EIF3E: variants seen among roughly 807,000 people sequenced by gnomAD.
The protein encoded by EIF3E is eIF-3 p48.
EIF3E carries 25 observed loss-of-function variants against 59.3 expected under a neutral mutation model. The ratio of observed to expected loss-of-function variants is 0.42; its 90% CI spans 0.31 to 0.59. The LOEUF (loss-of-function observed/expected upper bound fraction) is 0.59. Ranked by LOEUF, EIF3E falls within the 20% of genes least tolerant of loss-of-function variation. The pLI, the probability that EIF3E is intolerant of heterozygous loss-of-function variation, is 0.15. For missense variants in EIF3E, 317 were observed against 534.3 expected (o/e 0.59, Z 4.01); for synonymous variants, 176 against 170.2 (o/e 1.03, Z -0.26).
chr8:108,226,017 G>A (rs1035964215), intron 7 of EIF3E, among the ~76,000 whole-genome samples: 1 of 151,942 alleles, frequency 6.6e-6, no homozygotes, highest in Non-Finnish European at 1.5e-5. Flanking sequence ...TGGAAACTAC[G>A]ACTTTAAAAC....
chr8:108,220,097 G>T (rs897197233), intron 7 of EIF3E, among the ~76,000 whole-genome samples: 2 of 151,668 alleles, frequency 1.3e-5, no homozygotes, highest in African/African-American at 2.4e-5. Context: ...GAGCTGAGAT[G>T]GTGCCACTGC....
At position 108,217,574 on chromosome 8, in the gene EIF3E, G is replaced by A. The variant is rs556489093; in HGVS notation, c.723-114C>T. 6.4e-5 allele frequency: 51 copies of A among 798,628 alleles called. No homozygotes were observed. In the South Asian group the frequency reaches 1.0e-3, roughly 16 times the overall value. 49.5% of individuals were successfully genotyped at this position (798,628 alleles called of 1,614,324 possible). A position where few individuals can be genotyped will look rare whatever the true frequency, so the allele number is the denominator to read the frequency against. ...CTAGCCTAAGACTGCAAACACTTAAGAATGAGTATTATAAGAAAATCTCCT... is the reference window on the plus strand; with the variant it reads ...CTAGCCTAAGACTGCAAACACTTAAAAATGAGTATTATAAGAAAATCTCCT... On this transcript the variant is annotated intron_variant, in intron 7 of 12. Coordinates refer to ENST00000220849, the MANE Select transcript of EIF3E (RefSeq NM_001568.3).
chr8:108,222,649 G>C (rs1332437390), intron 7 of EIF3E, among the ~76,000 whole-genome samples: 1 of 152,138 alleles, frequency 6.6e-6, no homozygotes, highest in East Asian at 1.9e-4. Context: ...ATTTAAGACA[G>C]ATCAATTTTT....
intron 5 of EIF3E, 196 bp from the exon 6 acceptor site, chr8:108,229,391 A>T: frequency 2.2e-6 from 1 of 456,348 alleles, no homozygotes; most frequent in Non-Finnish European, 3.8e-6. Flanking sequence ...CAGGTCTTCA[A>T]TAATCAGTCT....
At chr8:108,248,309 G>A (rs1563640497) in intron 1 of EIF3E, among the ~76,000 whole-genome samples, 1 of 152,072 alleles carries the variant, frequency 6.6e-6, no homozygotes. Context: ...GTTCTCTAGC[G>A]AAACCAGCGA....
At chr8:108,213,692 A>C (rs958816774) in intron 10 of EIF3E, among the ~76,000 whole-genome samples, 8 of 152,216 alleles carry the variant, frequency 5.3e-5, no homozygotes, top group Admixed American at 2.6e-4. Flanking sequence ...TTACATTATT[A>C]GGAATTTTCA....
At chr8:108,215,065 CAAT>C (rs773302112) in intron 9 of EIF3E, among the ~76,000 whole-genome samples, 8 of 152,066 alleles carry the variant, frequency 5.3e-5, no homozygotes, top group Non-Finnish European at 7.4e-5. Context: ...AGTATTTCTA[CAAT>C]ATTAAGTAGA....
At chr8:108,202,896 T>C (rs946964320) in intron 12 of EIF3E, 87 bp downstream of exon 12, 69 of 1,403,030 alleles carry the variant, frequency 4.9e-5, no homozygotes, top group Non-Finnish European at 6.4e-5. Context: ...CAAAATCAGC[T>C]ACAACTCATC....
rs999680413 is a variant in EIF3E, at chr8:108,238,228, T to C, written c.323+1730A>G. Among the ~76,000 whole-genome samples, 3 of 152,308 alleles carry C rather than the reference T, an allele frequency of 2.0e-5. No individual in the cohort carries two copies. The East Asian group carries it at 5.8e-4, about 29-fold the overall frequency. ...CATAAAAGTAGTTTAGTATAATATA[T>C]AGCTCTGTCTATGCGCATGATGTGT... On this transcript the variant is annotated intron_variant, in intron 3 of 12. Coordinates refer to ENST00000220849, the MANE Select transcript of EIF3E (RefSeq NM_001568.3).
intron 5 of EIF3E, among the ~76,000 whole-genome samples, chr8:108,230,424 CAG>C (rs1261142330): frequency 2.0e-5 from 3 of 152,006 alleles, no homozygotes; most frequent in Admixed American, 6.6e-5. Flanking sequence ...AAAATCATCG[CAG>C]AGATAGGTAT....
intron 10 of EIF3E, among the ~76,000 whole-genome samples, chr8:108,206,797 T>C (rs928702359): frequency 8.5e-5 from 13 of 152,120 alleles, no homozygotes; most frequent in African/African-American, 3.1e-4. Context: ...AACAAGATCC[T>C]GTGTCTTTAT....
At chr8:108,207,508 T>C (rs1815126609) in intron 10 of EIF3E, among the ~76,000 whole-genome samples, 1 of 152,094 alleles carries the variant, frequency 6.6e-6, no homozygotes, top group Non-Finnish European at 1.5e-5. Flanking sequence ...TGAAAATAAT[T>C]CAATTTATTA....
chr8:108,215,496 T>C (rs999392338), intron 9 of EIF3E, among the ~76,000 whole-genome samples: 1 of 152,040 alleles, frequency 6.6e-6, no homozygotes, highest in African/African-American at 2.4e-5. Context: ...TGGGCGCCTA[T>C]GGTCCCAGCT....
At chr8:108,208,123 AG>A in intron 10 of EIF3E, among the ~76,000 whole-genome samples, 2 of 152,266 alleles carry the variant, frequency 1.3e-5, no homozygotes, top group Middle Eastern at 6.8e-3. Flanking sequence ...ACCCTCCCAT[AG>A]CCACCATCTT....
In EIF3E at chr8:108,216,493, G is replaced by T; in HGVS notation, c.870C>A (p.Asp290Glu). The part of the protein sequence containing the change: ...VIQQESYTYK[D>E]PITEFVECLY... Reference sequence around the variant, plus strand: ...AACATTCAACAAATTCTGTAATTGGGTCTTTATATGTGTAAGACTCCTGTA... The same window carrying T: ...AACATTCAACAAATTCTGTAATTGGTTCTTTATATGTGTAAGACTCCTGTA... Residue 290 changes from aspartate (D) to glutamate (E), a missense_variant, in exon 9 of 13, where the codon GAC (aspartate) becomes GAA (glutamate). Asp to Glu is a conservative substitution (Grantham distance 45). This residue lies in a region of EIF3E where 242 missense variants were observed against 398.0 expected (regional missense o/e 0.61). Transcript: ENST00000220849. 4.4e-6 allele frequency: 7 copies of T among 1,606,702 alleles called. No individual in the cohort carries two copies. Among genetic ancestry groups the T allele is most frequent in the Non-Finnish European group, 5.9e-6 (7 of 1,176,940 alleles).
intron 10 of EIF3E, among the ~76,000 whole-genome samples, chr8:108,210,387 G>C (rs969586326): frequency 6.6e-6 from 1 of 152,026 alleles, no homozygotes; most frequent in Non-Finnish European, 1.5e-5. Context: ...CTAAATTCTT[G>C]TTATTTTACT....
intron 1 of EIF3E, among the ~76,000 whole-genome samples, chr8:108,245,992 G>GT (rs1316056543): frequency 6.6e-6 from 1 of 152,018 alleles, no homozygotes; most frequent in Non-Finnish European, 1.5e-5. Context: ...TATATTTACT[G>GT]TTTTTTTCCT....
chr8:108,229,365 C>T, intron 5 of EIF3E, 170 bp from the exon 6 acceptor site: 1 of 581,318 alleles, frequency 1.7e-6, no homozygotes, highest in Non-Finnish European at 2.7e-6. Context: ...TTCAAAAAAC[C>T]TTTGCTAAAA....
At position 108,216,332 on chromosome 8, in the gene EIF3E, G is replaced by A. The variant is rs1342722294; in HGVS notation, c.951+80C>T. ...CGTTATAATTACTTCATTACTTTAAGGAAGACACTGCAAGATTAACGTTAC... is the reference window on the plus strand; with the variant it reads ...CGTTATAATTACTTCATTACTTTAAAGAAGACACTGCAAGATTAACGTTAC... On this transcript the variant is annotated intron_variant, in intron 9 of 12. Transcript: ENST00000220849. 11 of 1,028,976 alleles carry A rather than the reference G, an allele frequency of 1.1e-5. No homozygotes were observed. The Admixed American group carries it at 1.7e-4, about 16-fold the overall frequency. The allele number at this position is 1,028,976 out of a possible 1,614,324, so 63.7% of individuals were successfully genotyped here. A position where few individuals can be genotyped will look rare whatever the true frequency, so the allele number is the denominator to read the frequency against.
Sources: allele counts gnomAD v4.1 joint callset (sites outside exome capture counted in the v4.1 genomes callset), GRCh38; gene constraint gnomAD v4.1.1; regional missense constraint gnomAD v4.1.1; transcripts MANE v1.5; gene names NCBI Gene and HGNC (gene_info 2026-07-23, HGNC 2026-07-21).